NCALD: variants seen among roughly 807,000 people sequenced by gnomAD.
The protein encoded by NCALD is neurocalcin-delta.
In NCALD, 10 loss-of-function variants were observed where a neutral mutation model predicts 18.6. That is an observed-to-expected ratio of 0.54 (90% confidence interval 0.33 to 0.91). The LOEUF (loss-of-function observed/expected upper bound fraction) is 0.91. Among genes scored for constraint, NCALD ranks in the 40% least tolerant of loss-of-function variants. The probability of loss-of-function intolerance (pLI) is 0.03; values close to 1 mark genes in which losing one functional copy is unlikely to be tolerated. For synonymous variants in NCALD, 88 were observed against 87.4 expected, an observed-to-expected ratio of 1.01 and a Z score of -0.04; for missense variants, 184 against 247.6, an observed-to-expected ratio of 0.74 and a Z score of 1.72.
At chr8:102,023,030 T>C (rs1822329496) in intron 1 of NCALD, among the ~76,000 whole-genome samples, 2 of 152,148 alleles carry the variant, frequency 1.3e-5, no homozygotes, top group Admixed American at 6.5e-5. Flanking sequence ...TCTCAAGTCA[T>C]GGGGTGCTTG....
chr8:102,018,672 C>T (rs765384625), intron 2 of NCALD, among the ~76,000 whole-genome samples: 1 of 152,144 alleles, frequency 6.6e-6, no homozygotes, highest in Non-Finnish European at 1.5e-5. Context: ...ACAATGATTA[C>T]ATACATTTTT....
At chr8:101,708,167 TG>T (rs1815619997) in intron 2 of NCALD, among the ~76,000 whole-genome samples, 1 of 152,168 alleles carries the variant, frequency 6.6e-6, no homozygotes, top group South Asian at 2.1e-4. Flanking sequence ...CAATAAGGTT[TG>T]GGGAATTCCT....
intron 2 of NCALD, among the ~76,000 whole-genome samples, chr8:101,982,964 G>A (rs1248604008): frequency 6.6e-6 from 1 of 152,086 alleles, no homozygotes; most frequent in Admixed American, 6.5e-5. Context: ...CTTCCATCTT[G>A]GGCAGCTTCA....
At position 101,909,115 on chromosome 8, in the gene NCALD, T is replaced by C. The variant is rs142252682; in HGVS notation, c.-107+6694A>G. Reference sequence around the variant, plus strand: ...TGATCTGCTTTTTGTTCCCTGTTTCTGCTTTCTTCAGCCTTTTACTGCCTA... The same window carrying C: ...TGATCTGCTTTTTGTTCCCTGTTTCCGCTTTCTTCAGCCTTTTACTGCCTA... On this transcript the variant is annotated intron_variant, in intron 3 of 6. Coordinates refer to the NCALD transcript ENST00000311028. Among the ~76,000 whole-genome samples the C allele has an allele frequency of 6.7e-4, 102 of 152,334 alleles. No individual in the cohort carries two copies. The East Asian group carries it at 0.015, about 22-fold the overall frequency.
rs191744421 is a variant in NCALD at position 102,089,491 on chromosome 8, T to C, written c.-210+34746A>G. On this transcript the variant is annotated intron_variant, in intron 1 of 6. Transcript: ENST00000311028. ...TCTTCTGTCTGTATATTTCTATATG[T>C]TGTGTGTGTGGTGTTTACATATGAA... 2.7e-3 allele frequency among the ~76,000 whole-genome samples: 409 copies of C among 152,196 alleles called. 9 individuals are homozygous for C. The highest frequency in any genetic ancestry group is 2.6e-4 in the Non-Finnish European group (18 of 68,004).
intron 1 of NCALD, among the ~76,000 whole-genome samples, chr8:101,728,726 A>G (rs947987069): frequency 6.6e-6 from 1 of 152,202 alleles, no homozygotes; most frequent in African/African-American, 2.4e-5. Context: ...AGTCTGAGGC[A>G]GGAGAATCAC....
intron 1 of NCALD, among the ~76,000 whole-genome samples, chr8:102,089,226 C>T (rs903054388): frequency 6.6e-6 from 1 of 152,098 alleles, no homozygotes; most frequent in Non-Finnish European, 1.5e-5. Context: ...AACCCCATCT[C>T]TACTAAAAAC....
chr8:101,710,862 C>T (rs1306570925), intron 2 of NCALD, among the ~76,000 whole-genome samples: 1 of 152,240 alleles, frequency 6.6e-6, no homozygotes, highest in Admixed American at 6.5e-5. Context: ...AACATTCCTG[C>T]CTGACAGCTC....
intron 1 of NCALD, among the ~76,000 whole-genome samples, chr8:102,074,124 AAC>A (rs1717240032): frequency 6.6e-6 from 1 of 152,226 alleles, no homozygotes; most frequent in African/African-American, 2.4e-5. Flanking sequence ...AGAAGACATG[AAC>A]AAGTCCTCAG....
chr8:102,031,071 T>G (rs1243032425), intron 1 of NCALD, among the ~76,000 whole-genome samples: 1 of 152,124 alleles, frequency 6.6e-6, no homozygotes, highest in Non-Finnish European at 1.5e-5. Flanking sequence ...AAATGTTATG[T>G]GCTTCCTGAT....
intron 1 of NCALD, among the ~76,000 whole-genome samples, chr8:102,040,732 C>T (rs1302630365): frequency 6.6e-6 from 1 of 152,118 alleles, no homozygotes; most frequent in Admixed American, 6.5e-5. Flanking sequence ...GGACACAGAC[C>T]CAAGTGGGTT....
chr8:101,904,836 C>T (rs572130745), intron 3 of NCALD, among the ~76,000 whole-genome samples: 1 of 152,248 alleles, frequency 6.6e-6, no homozygotes, highest in South Asian at 2.1e-4. Context: ...TTCTGAAACC[C>T]ACTCTGCCCT....
At chr8:101,883,515 T>C (rs1428015986) in intron 4 of NCALD, among the ~76,000 whole-genome samples, 1 of 152,212 alleles carries the variant, frequency 6.6e-6, no homozygotes, top group Non-Finnish European at 1.5e-5. Flanking sequence ...GGGATCACTA[T>C]TGTCTCAGAA....
At chr8:101,921,248 A>G (rs1377767747) in intron 2 of NCALD, among the ~76,000 whole-genome samples, 5 of 149,076 alleles carry the variant, frequency 3.4e-5, no homozygotes, top group African/African-American at 1.3e-4. Flanking sequence ...AGCCCTTTTC[A>G]GAAATGTGTA....
intron 2 of NCALD, among the ~76,000 whole-genome samples, chr8:101,991,559 G>A (rs1390203256): frequency 6.6e-6 from 1 of 152,122 alleles, no homozygotes; most frequent in Non-Finnish European, 1.5e-5. Flanking sequence ...ATGTGTCTGA[G>A]TTCTCCTCCC....
intron 1 of NCALD, among the ~76,000 whole-genome samples, chr8:101,781,986 T>G (rs1048638119): frequency 9.9e-5 from 15 of 151,392 alleles, no homozygotes; most frequent in African/African-American, 3.6e-4. Flanking sequence ...AAAATTTCAC[T>G]GAACACAACC....
intron 2 of NCALD, among the ~76,000 whole-genome samples, chr8:101,931,120 G>C (rs1417344318): frequency 6.6e-6 from 1 of 152,094 alleles, no homozygotes; most frequent in Non-Finnish European, 1.5e-5. Context: ...TTTCTTTATG[G>C]GCCTTGGGGT....
chr8:102,024,994 CA>C (rs1470708459), intron 1 of NCALD, among the ~76,000 whole-genome samples: 2 of 152,298 alleles, frequency 1.3e-5, no homozygotes, highest in East Asian at 3.9e-4. Flanking sequence ...ATCCCAACTC[CA>C]AAAGAGCCCA....
intron 1 of NCALD, among the ~76,000 whole-genome samples, chr8:102,075,131 C>T (rs986790531): frequency 7.2e-5 from 11 of 152,094 alleles, no homozygotes; most frequent in South Asian, 4.1e-4. Flanking sequence ...GAATATTTAA[C>T]GGGGCCTATT....
Sources: gnomAD v4.1 joint callset for allele counts (sites outside exome capture counted in the v4.1 genomes callset) on GRCh38, gnomAD v4.1.1 for gene constraint, MANE v1.5 for transcripts, NCBI Gene and HGNC (gene_info 2026-07-23, HGNC 2026-07-21) for gene names.